SFTPD: variants seen among roughly 807,000 people sequenced by gnomAD.
SFTPD encodes the protein surfactant protein D, also known as pulmonary surfactant-associated protein D.
Under a neutral mutation model 34.6 loss-of-function variants are expected in SFTPD, and 18 were observed. That is an observed-to-expected ratio of 0.52 (90% confidence interval 0.36 to 0.77). The LOEUF (loss-of-function observed/expected upper bound fraction) is 0.77, where lower values mean the gene tolerates loss of function less well. Among genes scored for constraint, SFTPD ranks in the 30% least tolerant of loss-of-function variants. The pLI is 0.00. For synonymous variants in SFTPD, 155 were observed against 180.9 expected (o/e 0.86, Z 1.15); for missense variants, 433 against 468.9 (o/e 0.92, Z 0.71).
chr10:79,981,874 C>G (rs562295019), intron 1 of SFTPD: 86 of 252,696 alleles, frequency 3.4e-4, no homozygotes, highest in African/African-American at 1.9e-3. Flanking sequence ...GGCAGCCACA[C>G]GGACACCTGA....
intron 1 of SFTPD, chr10:79,970,293 A>C (rs1842828139): frequency 6.6e-6 from 1 of 152,194 alleles, no homozygotes; most frequent in African/African-American, 2.4e-5. Context: ...TATGTTTTGA[A>C]GTCAGGTAGT....
At chr10:79,949,463 A>G (rs1035565864), upstream of SFTPD, among the ~76,000 whole-genome samples, 6 of 152,200 alleles carry the variant, frequency 3.9e-5, no homozygotes, top group African/African-American at 1.4e-4. Context: ...ACAACTGCAG[A>G]TCTTAAGAGC....
chr10:79,945,342 ATCCCATTCACGT>A lies in SFTPD; in HGVS notation c.199+1107_199+1118del, dbSNP rs17882051. On this transcript the variant is annotated intron_variant, in intron 2 of 7. Transcript: ENST00000372292. ...CCCTGGACAGCCCTCCCCAAGCCCC[ATCCCATTCACGT>A]TGGGAGCCACTTTCTGTCTGTAAGG... is the stretch of plus-strand genomic sequence containing the variant. Among the ~76,000 whole-genome samples, 225 of 151,692 alleles carry A rather than the reference ATCCCATTCACGT, an allele frequency of 1.5e-3. 1 individual carries two copies. The highest frequency in any genetic ancestry group is 5.1e-3 in the African/African-American group (212 of 41,328).
At chr10:79,976,939 A>C (rs990753582) in intron 1 of SFTPD, among the ~76,000 whole-genome samples, 36 of 152,274 alleles carry the variant, frequency 2.4e-4, no homozygotes, top group African/African-American at 8.4e-4. Context: ...TGGATTTATC[A>C]AGGGTTTCTG....
At chr10:79,980,594 C>G (rs1205514558) in intron 1 of SFTPD, among the ~76,000 whole-genome samples, 1 of 152,198 alleles carries the variant, frequency 6.6e-6, no homozygotes, top group Non-Finnish European at 1.5e-5. Flanking sequence ...GTCACCCCTT[C>G]CTCAACTCCA....
chr10:79,939,187 C>T (rs1842587591), intron 7 of SFTPD, among the ~76,000 whole-genome samples: 1 of 152,220 alleles, frequency 6.6e-6, no homozygotes, highest in African/African-American at 2.4e-5. Context: ...GCCTGTGTGA[C>T]ATGTCAAGTA....
At chr10:79,956,898 C>G (rs1842743104) in intron 1 of SFTPD, among the ~76,000 whole-genome samples, 1 of 152,184 alleles carries the variant, frequency 6.6e-6, no homozygotes, top group South Asian at 2.1e-4. Context: ...GGGAGGCACC[C>G]CCCAGTAGGG....
chr10:79,980,349 C>T (rs1015052921), intron 1 of SFTPD, among the ~76,000 whole-genome samples: 7 of 152,104 alleles, frequency 4.6e-5, no homozygotes, highest in African/African-American at 9.7e-5. Flanking sequence ...GCCCTAGCTC[C>T]GAGATGGCAT....
At chr10:79,952,469 T>A (rs1449407649), upstream of SFTPD, among the ~76,000 whole-genome samples, 2 of 152,172 alleles carry the variant, frequency 1.3e-5, no homozygotes, top group Non-Finnish European at 2.9e-5. Flanking sequence ...CATGCCTGTG[T>A]CTCTGCTGGG....
chr10:79,942,315 G>A (rs1165062615), intron 4 of SFTPD, 73 bp downstream of exon 4: 19 of 1,041,152 alleles, frequency 1.8e-5, no homozygotes, highest in Admixed American at 1.2e-4. Flanking sequence ...CTCTGAGCAC[G>A]CCTCAGGTCA....
chr10:79,965,440 C>A (rs377322579), intron 1 of SFTPD, among the ~76,000 whole-genome samples: 1 of 151,930 alleles, frequency 6.6e-6, no homozygotes, highest in Non-Finnish European at 1.5e-5. Context: ...CCCCTAATCC[C>A]GCTCGAAGCA....
Position 79,947,914 on chromosome 10 carries a change from A to T in SFTPD, c.-4+1152T>A, listed in dbSNP as rs924507343. On this transcript the variant is annotated intron_variant, in intron 1 of 7. Transcript: ENST00000372292. Reference sequence around the variant, plus strand: ...ACCGTAAAGTTATGAGAGTGAAAAGAGCTGATCAGATTCGCAGAGGCTAGG... The same window carrying T: ...ACCGTAAAGTTATGAGAGTGAAAAGTGCTGATCAGATTCGCAGAGGCTAGG... Among the ~76,000 whole-genome samples the T allele has an allele frequency of 2.0e-5, 3 of 152,342 alleles. No individual in the cohort carries two copies. The South Asian group carries it at 6.2e-4, about 32-fold the overall frequency.
chr10:79,975,663 G>T (rs1446095438), intron 1 of SFTPD, among the ~76,000 whole-genome samples: 1 of 152,186 alleles, frequency 6.6e-6, no homozygotes, highest in Non-Finnish European at 1.5e-5. Flanking sequence ...TGTAAAGTGG[G>T]AAATCAGGGG....
intron 1 of SFTPD, among the ~76,000 whole-genome samples, chr10:79,980,632 T>C (rs1842885144): frequency 1.3e-5 from 2 of 152,160 alleles, no homozygotes; most frequent in South Asian, 2.1e-4. Flanking sequence ...AGAAAGACTT[T>C]GTCTGTTTGG....
Position 79,942,015 on chromosome 10 carries a change from G to C in SFTPD, c.489C>G (p.Gly163=). 6.2e-7 allele frequency: 1 copy of C among 1,614,028 alleles called. No homozygotes were observed. Among genetic ancestry groups the C allele is most frequent in the Non-Finnish European group, 8.5e-7 (1 of 1,179,984 alleles). Residue 163 remains glycine (G), a synonymous_variant, in exon 5 of 8, where the codon GGC becomes GGG. Transcript: ENST00000372292. ...QGSAGARGLA[G]PKGERGVPGE... is the part of the protein sequence containing the mutation. ...CAGGGACACCTCGCTCTCCCTTAGG[G>C]CCTGCGAGGCCTCTTGCCCCTGCCG...
At chr10:79,972,983 C>T (rs1842843855) in intron 1 of SFTPD, 1 of 152,156 alleles carries the variant, frequency 6.6e-6, no homozygotes, top group African/African-American at 2.4e-5. Context: ...CAAGGATTGA[C>T]TCAATGAGCT....
Position 79,944,628 on chromosome 10 carries a change from C to T in SFTPD, c.200-1749G>A, listed in dbSNP as rs1428447137. Among the ~76,000 whole-genome samples, 11 of 152,090 alleles carry T rather than the reference C, an allele frequency of 7.2e-5. No individual in the cohort carries two copies. The East Asian group carries it at 1.7e-3, about 24-fold the overall frequency. ...GTACAGGGGTACAGGGTGGTCCTGC[C>T]GGGACTCATGGGCTGCTGTAAGGTG... is the stretch of plus-strand genomic sequence containing the variant. On this transcript the variant is annotated intron_variant, in intron 2 of 7. Transcript: ENST00000372292.
rs759081201 is a variant in SFTPD at position 79,942,745 on chromosome 10, C to T, written c.316+18G>A. ...ACCACCACCTGGAAACACCTGAAGTCGACACCCAGTTGCTCACCACTTGGC... is the reference window on the plus strand; with the variant it reads ...ACCACCACCTGGAAACACCTGAAGTTGACACCCAGTTGCTCACCACTTGGC... On this transcript the variant is annotated intron_variant, in intron 3 of 7. Coordinates refer to ENST00000372292, the MANE Select transcript of SFTPD (RefSeq NM_003019.5). The T allele has an allele frequency of 3.4e-6, 5 of 1,489,224 alleles. No individual in the cohort carries two copies. Among genetic ancestry groups the T allele is most frequent in the South Asian group, 1.1e-5 (1 of 88,494 alleles). The allele number at this position is 1,489,224 out of a possible 1,614,324, so 92.3% of individuals were successfully genotyped here. A position where few individuals can be genotyped will look rare whatever the true frequency, so the allele number is the denominator to read the frequency against.
rs973830381 is a variant in SFTPD, at chr10:79,946,706, T to C, written c.-3-44A>G. 1.4e-5 allele frequency: 22 copies of C among 1,561,948 alleles called. No homozygotes were observed. The Admixed American group carries it at 2.5e-4, about 18-fold the overall frequency. On this transcript the variant is annotated intron_variant, in intron 1 of 7. Transcript: ENST00000372292. ...AGAGAAAAGACATGCTTATGCTTCATGGACATGGTTTAGGGCTTGGCTCAG... is the reference window on the plus strand; with the variant it reads ...AGAGAAAAGACATGCTTATGCTTCACGGACATGGTTTAGGGCTTGGCTCAG...
Sources: gnomAD v4.1 joint callset for allele counts (sites outside exome capture counted in the v4.1 genomes callset) on GRCh38, gnomAD v4.1.1 for gene constraint, MANE v1.5 for transcripts, NCBI Gene and HGNC (gene_info 2026-07-23, HGNC 2026-07-21) for gene names.